The following TRIM9 variants were observed in gnomAD, a reference collection of about 807,000 sequenced individuals.
The protein encoded by TRIM9 is E3 ubiquitin-protein ligase TRIM9.
A neutral mutation model predicts 78.3 loss-of-function variants in TRIM9; 26 were observed. That is an observed-to-expected ratio of 0.33 (90% CI 0.24 to 0.46). TRIM9 has a LOEUF of 0.46. TRIM9 is among the 20% of genes least tolerant of loss of function. The pLI is 1.00. For missense variants in TRIM9, 787 were observed against 1,036.4 expected (o/e 0.76, Z 3.30); for synonymous variants, 398 against 416.5 (o/e 0.96, Z 0.54).
chr14:51,005,666 T>C (rs2055689620), intron 5 of TRIM9, among the ~76,000 whole-genome samples: 1 of 152,228 alleles, frequency 6.6e-6, no homozygotes, highest in Non-Finnish European at 1.5e-5. Context: ...GTTTTTTTAA[T>C]TACTCTCTAA....
chr14:51,038,018 C>T (rs371830157), intron 1 of TRIM9, among the ~76,000 whole-genome samples: 31 of 152,086 alleles, frequency 2.0e-4, no homozygotes, highest in Middle Eastern at 3.2e-3. Context: ...TTCTTGATGC[C>T]GTAGGCAAAA....
intron 11 of TRIM9, among the ~76,000 whole-genome samples, chr14:50,980,814 C>T (rs2051779598): frequency 6.6e-6 from 1 of 152,210 alleles, no homozygotes; most frequent in African/African-American, 2.4e-5. Flanking sequence ...GCGAATAATA[C>T]ACACTTGAAT....
Position 50,976,682 on chromosome 14 carries a change from T to C in TRIM9, c.*609A>G, listed in dbSNP as rs2051112887. Reference sequence around the variant, plus strand: ...CCATCCTAACGATCCTACCCTGATGTGAACCTGTGTAGCGGATATTTTTGT... The same window carrying C: ...CCATCCTAACGATCCTACCCTGATGCGAACCTGTGTAGCGGATATTTTTGT... On this transcript the variant is annotated 3_prime_UTR_variant, in exon 13 of 13. Coordinates refer to ENST00000684578, the MANE Select transcript of TRIM9 (RefSeq NM_001387360.1). 1.3e-5 allele frequency: 2 copies of C among 152,690 alleles called. No individual in the cohort carries two copies. The highest frequency in any genetic ancestry group is 4.1e-4 in the South Asian group (2 of 4,838). 9.5% of individuals were successfully genotyped at this position (152,690 alleles called of 1,614,324 possible). A position where few individuals can be genotyped will look rare whatever the true frequency, so the allele number is the denominator to read the frequency against.
At chr14:51,014,626 C>G (rs1219482540) in intron 3 of TRIM9, among the ~76,000 whole-genome samples, 1 of 152,190 alleles carries the variant, frequency 6.6e-6, no homozygotes, top group African/African-American at 2.4e-5. Flanking sequence ...TACCTTAAAT[C>G]AGATCTTTTA....
intron 1 of TRIM9, among the ~76,000 whole-genome samples, chr14:51,086,698 T>C (rs558274608): frequency 1.3e-5 from 2 of 152,152 alleles, no homozygotes; most frequent in East Asian, 3.9e-4. Flanking sequence ...ATGGACGCTA[T>C]GGAGGAGGGT....
chr14:51,009,757 A>G (rs1046026902), intron 4 of TRIM9, among the ~76,000 whole-genome samples: 2 of 152,192 alleles, frequency 1.3e-5, no homozygotes, highest in Non-Finnish European at 2.9e-5. Flanking sequence ...CTTATATTCA[A>G]TCGCTTTCTG....
chr14:50,983,054 AG>A (rs1482920313), intron 9 of TRIM9, 89 bp from the exon 10 acceptor site: 3 of 1,264,610 alleles, frequency 2.4e-6, no homozygotes, highest in Non-Finnish European at 3.4e-6. Context: ...TTGATAGACT[AG>A]TACCCCAAAA....
intron 3 of TRIM9, among the ~76,000 whole-genome samples, chr14:51,020,907 G>A (rs1317852865): frequency 6.6e-6 from 1 of 152,164 alleles, no homozygotes; most frequent in Non-Finnish European, 1.5e-5. Context: ...TGTTCACCAT[G>A]TTCTGTTAAA....
Position 51,009,126 on chromosome 14 carries a change from G to A in TRIM9, c.1260C>T (p.Ser420=), listed in dbSNP as rs1043896001. The A allele has an allele frequency of 3.7e-6, 6 of 1,614,082 alleles. No individual in the cohort carries two copies. Among genetic ancestry groups the A allele is most frequent in the Middle Eastern group, 1.7e-4 (1 of 6,060 alleles). ...TTDFDLSLDN[S]PLLQSIHQLD... ...GCTGGTGGATGGATTGCAGCAGAGG[G>A]CTGTTGTCCAGACTCAAGTCAAAGT... The change falls in exon 5 of 13, where the codon AGC becomes AGT. Residue 420 remains serine (S), a synonymous_variant. Transcript: ENST00000684578.
chr14:51,065,393 T>C (rs1018521622), intron 1 of TRIM9, among the ~76,000 whole-genome samples: 1 of 152,180 alleles, frequency 6.6e-6, no homozygotes, highest in African/African-American at 2.4e-5. Flanking sequence ...AAAACCCTCC[T>C]TGATGGATAA....
chr14:51,023,108 T>C (rs749078124), intron 2 of TRIM9, 151 bp from the exon 3 acceptor site: 85 of 1,025,584 alleles, frequency 8.3e-5, no homozygotes, highest in Non-Finnish European at 1.2e-4. Context: ...CTGGATAAAC[T>C]TTATTCTACA....
At chr14:51,000,603 C>T (rs2054852488) in intron 6 of TRIM9, 80 bp downstream of exon 6, 1 of 1,570,710 alleles carries the variant, frequency 6.4e-7, no homozygotes, top group African/African-American at 1.3e-5. Context: ...ATGGGGAAGC[C>T]AGCCCTGAGA....
intron 5 of TRIM9, among the ~76,000 whole-genome samples, chr14:51,002,288 A>AT (rs71121618): frequency 0.087 from 12,853 of 147,306 alleles, 628 homozygotes; most frequent in African/African-American, 0.12. Context: ...CGGCTGGCTG[A>AT]TTTTTTTTTT....
At chr14:51,036,064 A>G (rs1261839046) in intron 1 of TRIM9, among the ~76,000 whole-genome samples, 1 of 152,138 alleles carries the variant, frequency 6.6e-6, no homozygotes, top group Non-Finnish European at 1.5e-5. Context: ...TGGCAAATCA[A>G]TTTTCCCCCA....
rs764583928 is a variant in TRIM9, at chr14:51,094,205, C to T, written c.735G>A (p.Lys245=). Reference sequence around the variant, plus strand: ...CCAAGCACTGGTAGCACACGGGCATCTTGCATTGCACGCAGTACATGCTGT... The same window carrying T: ...CCAAGCACTGGTAGCACACGGGCATTTTGCATTGCACGCAGTACATGCTGT... ...ENHSMYCVQC[K]MPVCYQCLEE... The change falls in exon 1 of 13, where the codon AAG becomes AAA. Residue 245 remains lysine (K), a synonymous_variant. Coordinates refer to ENST00000684578, the MANE Select transcript of TRIM9 (RefSeq NM_001387360.1). 1 of 1,614,234 alleles carries T rather than the reference C, an allele frequency of 6.2e-7. No individual in the cohort carries two copies. The highest frequency in any genetic ancestry group is 1.1e-5 in the South Asian group (1 of 91,090).
At position 51,075,532 on chromosome 14, in the gene TRIM9, C is replaced by T. The variant is rs548522442; in HGVS notation, c.822+18586G>A. ...TCCAATCTAGTTTACACAAAGTTTT[C>T]GGGAACTCATACCCACTGAGGGCTG... is the stretch of plus-strand genomic sequence containing the variant. On this transcript the variant is annotated intron_variant, in intron 1 of 12. Coordinates refer to ENST00000684578, the MANE Select transcript of TRIM9 (RefSeq NM_001387360.1). 7.9e-5 allele frequency among the ~76,000 whole-genome samples: 12 copies of T among 152,228 alleles called. No individual in the cohort carries two copies. The South Asian group carries it at 8.3e-4, about 11-fold the overall frequency.
intron 2 of TRIM9, among the ~76,000 whole-genome samples, chr14:51,024,800 A>AGGAAGAAAAAAGAGGAC (rs2058068737): frequency 6.6e-6 from 1 of 152,152 alleles, no homozygotes; most frequent in Admixed American, 6.5e-5. Flanking sequence ...AAAAAGAGGA[A>AGGAAGAAAAAAGAGGAC]GAAGGAACAA....
chr14:51,027,106 C>A (rs2356732), intron 1 of TRIM9, among the ~76,000 whole-genome samples: 1 of 146,102 alleles, frequency 6.8e-6, no homozygotes, highest in South Asian at 2.2e-4. Context: ...GTGCATGATG[C>A]GTGCTTAATA....
At chr14:51,061,278 TG>T (rs2140157845) in intron 1 of TRIM9, among the ~76,000 whole-genome samples, 1 of 152,204 alleles carries the variant, frequency 6.6e-6, no homozygotes, top group South Asian at 2.1e-4. Flanking sequence ...CTGGGCGTGG[TG>T]GTGGGCACCT....
Sources: gnomAD v4.1 joint callset for allele counts (sites outside exome capture counted in the v4.1 genomes callset) on GRCh38, gnomAD v4.1.1 for gene constraint, MANE v1.5 for transcripts, NCBI Gene and HGNC (gene_info 2026-07-23, HGNC 2026-07-21) for gene names.